COX7B2: variants seen among roughly 807,000 people sequenced by gnomAD.
COX7B2 encodes the protein cytochrome c oxidase subunit 7B2, mitochondrial.
For missense variants in COX7B2, 109 were observed against 95.9 expected, an observed-to-expected ratio of 1.14 and a Z score of -0.57; for synonymous variants, 37 against 32.1, an observed-to-expected ratio of 1.15 and a Z score of -0.51.
intron 2 of COX7B2, among the ~76,000 whole-genome samples, chr4:46,750,857 G>C (rs565956541): frequency 6.6e-6 from 1 of 152,072 alleles, no homozygotes; most frequent in Non-Finnish European, 1.5e-5. Context: ...TCCTTATAAA[G>C]TCACCAGCCC....
intron 2 of COX7B2, among the ~76,000 whole-genome samples, chr4:46,773,997 T>C (rs1448438310): frequency 6.6e-6 from 1 of 152,138 alleles, no homozygotes; most frequent in Non-Finnish European, 1.5e-5. Context: ...ATATTTCCTC[T>C]CTGACTCTGA....
intron 2 of COX7B2, among the ~76,000 whole-genome samples, chr4:46,751,469 C>T (rs939240072): frequency 6.6e-6 from 1 of 151,978 alleles, no homozygotes; most frequent in African/African-American, 2.4e-5. Context: ...CAGTTTAGAG[C>T]AAATGAAACA....
chr4:46,881,001 A>AAAAAAAAAAAG (rs1553896922), intron 1 of COX7B2, among the ~76,000 whole-genome samples: 1 of 150,634 alleles, frequency 6.6e-6, no homozygotes, highest in Non-Finnish European at 1.5e-5. Flanking sequence ...AATAAAAAAA[A>AAAAAAAAAAAG]AAAAAAAAAA....
intron 1 of COX7B2, among the ~76,000 whole-genome samples, chr4:46,901,344 T>C (rs1333779413): frequency 6.6e-6 from 1 of 152,198 alleles, no homozygotes; most frequent in African/African-American, 2.4e-5. Flanking sequence ...CCATAAATCA[T>C]CCTATTGTCC....
At chr4:46,882,569 T>C (rs1338326328) in intron 1 of COX7B2, among the ~76,000 whole-genome samples, 1 of 152,174 alleles carries the variant, frequency 6.6e-6, no homozygotes, top group East Asian at 1.9e-4. Context: ...TCTTTTTTAT[T>C]TTGGTTGGTT....
At chr4:46,814,347 T>C (rs1719441118) in intron 2 of COX7B2, among the ~76,000 whole-genome samples, 1 of 152,196 alleles carries the variant, frequency 6.6e-6, no homozygotes, top group Non-Finnish European at 1.5e-5. Flanking sequence ...AATTCGGCTT[T>C]CCAGTGTGAA....
chr4:46,854,238 T>A (rs997756665), intron 1 of COX7B2, among the ~76,000 whole-genome samples: 2 of 152,164 alleles, frequency 1.3e-5, no homozygotes, highest in Admixed American at 6.6e-5. Flanking sequence ...GTTGAGTTTT[T>A]AAAAAGTAGT....
At chr4:46,857,785 A>G (rs1444269775) in intron 1 of COX7B2, among the ~76,000 whole-genome samples, 3 of 152,326 alleles carry the variant, frequency 2.0e-5, no homozygotes, top group Admixed American at 6.5e-5. Context: ...GTTTCAGTGA[A>G]CCAGTCAATG....
intron 2 of COX7B2, among the ~76,000 whole-genome samples, chr4:46,761,126 A>G (rs1716121089): frequency 6.6e-6 from 1 of 152,154 alleles, no homozygotes; most frequent in Non-Finnish European, 1.5e-5. Context: ...AAGTTTAAGC[A>G]TTCTCTTGGT....
At chr4:46,763,017 T>A (rs1716284970) in intron 2 of COX7B2, among the ~76,000 whole-genome samples, 1 of 134,676 alleles carries the variant, frequency 7.4e-6, no homozygotes, top group African/African-American at 2.8e-5. Flanking sequence ...ATAATTATAA[T>A]ATATAATATA....
chr4:46,851,221 A>G (rs971914409), intron 1 of COX7B2, among the ~76,000 whole-genome samples: 6 of 152,080 alleles, frequency 3.9e-5, no homozygotes, highest in African/African-American at 1.4e-4. Context: ...TTGAGCAAGT[A>G]TTATTTGAGA....
chr4:46,890,181 G>A (rs1719346331), intron 1 of COX7B2, among the ~76,000 whole-genome samples: 1 of 152,174 alleles, frequency 6.6e-6, no homozygotes, highest in East Asian at 1.9e-4. Flanking sequence ...TGTCTTTAAA[G>A]AGAAAAGTAA....
intron 2 of COX7B2, among the ~76,000 whole-genome samples, chr4:46,842,769 TATGTGCCACATTTTCTTAATC>T (rs1210873699): frequency 1.3e-5 from 2 of 152,138 alleles, no homozygotes; most frequent in South Asian, 4.1e-4. Context: ...CCATGGTGTA[TATGTGCCACATTTTCTTAATC>T]CAGTCTATCA....
At position 46,780,511 on chromosome 4, in the gene COX7B2, C is replaced by T. The variant is rs567371856; in HGVS notation, c.-49-45270G>A. On this transcript the variant is annotated intron_variant, in intron 2 of 2. Coordinates refer to ENST00000355591, the MANE Select transcript of COX7B2 (RefSeq NM_130902.3). ...CAGCCTGGGTGACAGAGAGAGACTA[C>T]GTCTCAAAAAGAAAAAACAAAAAAG... Among the ~76,000 whole-genome samples the T allele has an allele frequency of 1.3e-3, 199 of 152,184 alleles. 1 individual carries two copies. The highest frequency in any genetic ancestry group is 4.5e-3 in the African/African-American group (186 of 41,540).
intron 2 of COX7B2, among the ~76,000 whole-genome samples, chr4:46,844,280 C>T (rs1248195165): frequency 6.6e-6 from 1 of 151,856 alleles, no homozygotes; most frequent in Non-Finnish European, 1.5e-5. Context: ...ATTAGCTTGA[C>T]TGAGGAAGTT....
intron 2 of COX7B2, among the ~76,000 whole-genome samples, chr4:46,786,957 G>A (rs539839076): frequency 1.5e-4 from 23 of 152,262 alleles, no homozygotes; most frequent in African/African-American, 5.3e-4. Context: ...GACTTCCAGG[G>A]TCTGCTGTGA....
intron 2 of COX7B2, among the ~76,000 whole-genome samples, chr4:46,809,616 AGT>A (rs910173639): frequency 6.6e-6 from 1 of 151,938 alleles, no homozygotes; most frequent in Non-Finnish European, 1.5e-5. Flanking sequence ...TCATACAATT[AGT>A]GTCAGAAATG....
At chr4:46,787,586 C>A (rs1341789684) in intron 2 of COX7B2, among the ~76,000 whole-genome samples, 1 of 152,068 alleles carries the variant, frequency 6.6e-6, no homozygotes, top group African/African-American at 2.4e-5. Flanking sequence ...AAAATGGGAA[C>A]TGATAAAGTA....
rs193194480 is a variant in COX7B2, at chr4:46,782,760, G to A, written c.-49-47519C>T. Among the ~76,000 whole-genome samples the A allele has an allele frequency of 1.6e-4, 25 of 152,216 alleles. No individual in the cohort carries two copies. The East Asian group carries it at 4.1e-3, about 25-fold the overall frequency. On this transcript the variant is annotated intron_variant, in intron 2 of 2. Transcript: ENST00000355591. ...AGAATGAACAAACAACTCAAGATGC[G>A]CTGCCTTTAAGAGCTGTAAGGCTCA...
Sources: allele counts gnomAD v4.1 joint callset (sites outside exome capture counted in the v4.1 genomes callset), GRCh38; gene constraint gnomAD v4.1.1; transcripts MANE v1.5; gene names NCBI Gene and HGNC (gene_info 2026-07-23, HGNC 2026-07-21).